CADM2: variants seen among roughly 807,000 people sequenced by gnomAD.
CADM2 encodes immunoglobulin superfamily member 4D.
In CADM2, 12 loss-of-function variants were observed where a neutral mutation model predicts 49.8. The ratio of observed to expected loss-of-function variants is 0.24; its 90% CI spans 0.15 to 0.39. CADM2 has a LOEUF of 0.39. Among genes scored for constraint, CADM2 ranks in the 10% least tolerant of loss-of-function variants. CADM2 has a pLI of 1.00. For missense variants in CADM2, 378 were observed against 492.3 expected (o/e 0.77, Z 2.20); for synonymous variants, 214 against 175.4 (o/e 1.22, Z -1.74).
intron 1 of CADM2, among the ~76,000 whole-genome samples, chr3:85,428,641 G>A (rs1429231786): frequency 7.0e-6 from 1 of 142,466 alleles, no homozygotes; most frequent in African/African-American, 2.6e-5. Context: ...AAAAATATAA[G>A]AATTATATAA....
At chr3:85,518,529 A>T (rs995164807) in intron 1 of CADM2, among the ~76,000 whole-genome samples, 1 of 152,016 alleles carries the variant, frequency 6.6e-6, no homozygotes, top group African/African-American at 2.4e-5. Flanking sequence ...ATGAGCAAAA[A>T]TGTTTTCTTT....
At chr3:85,800,116 A>G (rs1166799120) in intron 2 of CADM2, 1 of 152,238 alleles carries the variant, frequency 6.6e-6, no homozygotes, top group African/African-American at 2.4e-5. Flanking sequence ...GCAGTGTGGA[A>G]ACAGAGGATT....
At chr3:85,460,307 C>T (rs79136328) in intron 1 of CADM2, among the ~76,000 whole-genome samples, 8,932 of 151,784 alleles carry the variant, frequency 0.059, 598 homozygotes, top group African/African-American at 0.16. Context: ...CTATTTAATT[C>T]GTTACCAAGA....
chr3:85,889,385 G>T (rs977471474), intron 5 of CADM2, among the ~76,000 whole-genome samples: 2 of 152,154 alleles, frequency 1.3e-5, no homozygotes, highest in African/African-American at 2.4e-5. Flanking sequence ...CTGAATCTCA[G>T]ATTATCAGGC....
At chr3:85,095,863 G>A (rs2037775176) in intron 1 of CADM2, among the ~76,000 whole-genome samples, 1 of 151,980 alleles carries the variant, frequency 6.6e-6, no homozygotes, top group South Asian at 2.1e-4. Context: ...TAACTCACAG[G>A]CCCAATTATG....
At chr3:84,963,472 A>G (rs1575928625) in intron 1 of CADM2, among the ~76,000 whole-genome samples, 2 of 152,214 alleles carry the variant, frequency 1.3e-5, no homozygotes, top group Non-Finnish European at 2.9e-5. Flanking sequence ...CATGCATACA[A>G]GACCTCATTT....
At chr3:86,037,346 AT>A (rs1735292344) in intron 8 of CADM2, among the ~76,000 whole-genome samples, 2 of 152,162 alleles carry the variant, frequency 1.3e-5, no homozygotes, top group African/African-American at 4.8e-5. Context: ...TCCATTACAC[AT>A]TGGTTGTTAT....
intron 1 of CADM2, among the ~76,000 whole-genome samples, chr3:84,977,964 A>G (rs138976100): frequency 1.3e-5 from 2 of 152,254 alleles, no homozygotes; most frequent in African/African-American, 2.4e-5. Context: ...AAGTTTAAAA[A>G]TAAAGACTTT....
chr3:85,585,469 T>C (rs1240697285), intron 1 of CADM2, among the ~76,000 whole-genome samples: 1 of 151,930 alleles, frequency 6.6e-6, no homozygotes, highest in Non-Finnish European at 1.5e-5. Context: ...CTTCTATTCA[T>C]GAAATTGTGA....
At chr3:85,876,535 G>T (rs1711866377) in intron 3 of CADM2, among the ~76,000 whole-genome samples, 1 of 152,064 alleles carries the variant, frequency 6.6e-6, no homozygotes, top group Non-Finnish European at 1.5e-5. Context: ...AAAAATGTAA[G>T]AAATGTTGCA....
intron 3 of CADM2, among the ~76,000 whole-genome samples, chr3:85,811,794 C>G (rs2072893711): frequency 6.6e-6 from 1 of 151,664 alleles, no homozygotes; most frequent in Non-Finnish European, 1.5e-5. Flanking sequence ...ATATATTTTC[C>G]TCTCTCAAAA....
At chr3:85,860,960 A>G (rs1016759171) in intron 3 of CADM2, among the ~76,000 whole-genome samples, 1 of 152,186 alleles carries the variant, frequency 6.6e-6, no homozygotes, top group Non-Finnish European at 1.5e-5. Flanking sequence ...ATGTGTCTGA[A>G]GCAGAGTGAG....
intron 1 of CADM2, among the ~76,000 whole-genome samples, chr3:85,691,098 G>A (rs6549049): frequency 0.71 from 107,816 of 151,896 alleles, 38,527 homozygotes; most frequent in African/African-American, 0.77. Flanking sequence ...TTTGGTAAAC[G>A]CTATTCTACT....
At chr3:86,024,875 A>T (rs920943022) in intron 8 of CADM2, among the ~76,000 whole-genome samples, 27 of 151,330 alleles carry the variant, frequency 1.8e-4, no homozygotes, top group Middle Eastern at 6.9e-3. Context: ...TATTATTATT[A>T]TTATAATATA....
chr3:85,072,093 T>C (rs913251153), intron 1 of CADM2, among the ~76,000 whole-genome samples: 1 of 151,616 alleles, frequency 6.6e-6, no homozygotes, highest in Admixed American at 6.6e-5. Flanking sequence ...AACTGGGTAA[T>C]CTTCAATTAT....
chr3:85,728,077 T>C (rs1169087071), intron 2 of CADM2, among the ~76,000 whole-genome samples: 1 of 152,094 alleles, frequency 6.6e-6, no homozygotes, highest in East Asian at 1.9e-4. Flanking sequence ...CAATGGAAAA[T>C]AATTTGAATT....
intron 1 of CADM2, among the ~76,000 whole-genome samples, chr3:85,235,094 C>T (rs572433905): frequency 5.1e-4 from 77 of 152,116 alleles, no homozygotes; most frequent in African/African-American, 1.6e-3. Context: ...CTGTCATCCT[C>T]CTTAATCTAC....
At chr3:85,461,299 C>A (rs1173235880) in intron 1 of CADM2, among the ~76,000 whole-genome samples, 2 of 152,026 alleles carry the variant, frequency 1.3e-5, no homozygotes, top group African/African-American at 4.8e-5. Context: ...AGATTTCAGA[C>A]ACAAGTCAGC....
At chr3:85,145,598 C>A (rs529391901) in intron 1 of CADM2, among the ~76,000 whole-genome samples, 9 of 151,760 alleles carry the variant, frequency 5.9e-5, no homozygotes, top group Non-Finnish European at 8.8e-5. Context: ...AGTCCAGGGA[C>A]CATAAATATT....
Sources: allele counts gnomAD v4.1 joint callset (sites outside exome capture counted in the v4.1 genomes callset), GRCh38; gene constraint gnomAD v4.1.1; transcripts MANE v1.5; gene names NCBI Gene and HGNC (gene_info 2026-07-23, HGNC 2026-07-21).